RBFOX1: variants seen among roughly 807,000 people sequenced by gnomAD.
The protein encoded by RBFOX1 is RNA binding fox-1 homolog 1, also known as RNA binding protein fox-1 homolog 1.
RBFOX1 carries 8 observed loss-of-function variants against 57.7 expected under a neutral mutation model. That is an observed-to-expected ratio of 0.14 (90% confidence interval 0.08 to 0.25). RBFOX1 has a LOEUF of 0.25. Among genes scored for constraint, RBFOX1 ranks in the 10% least tolerant of loss-of-function variants. The pLI is 1.00. For synonymous variants in RBFOX1, 326 were observed against 222.4 expected, an observed-to-expected ratio of 1.47 and a Z score of -4.15; for missense variants, 611 against 548.5, an observed-to-expected ratio of 1.11 and a Z score of -1.14.
chr16:5,843,184 A>T (rs2151850461), intron 3 of RBFOX1, among the ~76,000 whole-genome samples: 1 of 152,272 alleles, frequency 6.6e-6, no homozygotes, highest in South Asian at 2.1e-4. Flanking sequence ...CAGGTTTATT[A>T]TATAAGTAAA....
chr16:7,231,563 C>G (rs778070685), intron 4 of RBFOX1, among the ~76,000 whole-genome samples: 4 of 152,178 alleles, frequency 2.6e-5, no homozygotes, highest in African/African-American at 4.8e-5. Flanking sequence ...GAATTGTAAA[C>G]AGATTCACTT....
intron 1 of RBFOX1, among the ~76,000 whole-genome samples, chr16:5,288,467 G>T (rs569340895): frequency 6.6e-6 from 1 of 151,942 alleles, no homozygotes; most frequent in Non-Finnish European, 1.5e-5. Flanking sequence ...CTTCTAAAGT[G>T]AATTACACAT....
At chr16:6,363,259 T>G (rs1004081213) in intron 2 of RBFOX1, among the ~76,000 whole-genome samples, 3 of 152,180 alleles carry the variant, frequency 2.0e-5, no homozygotes, top group Non-Finnish European at 4.4e-5. Context: ...GTAAACTTAG[T>G]AAAGCACCTG....
Position 6,097,417 on chromosome 16 carries a change from A to C in RBFOX1, c.-127+77425A>C, listed in dbSNP as rs1040326258. The stretch of plus-strand genomic sequence containing the variant: ...CCATGGTCTGCAGACTACCAGCATT[A>C]GCAAGGCCTGGGAGTTTGTGAGAGA... On this transcript the variant is annotated intron_variant, in intron 1 of 15. Coordinates refer to ENST00000550418, the MANE Select transcript of RBFOX1 (RefSeq NM_018723.4). The surrounding 1 kb of genome is among the most constrained non-coding windows in gnomAD (Gnocchi z 5.0). Among the ~76,000 whole-genome samples, 23 of 152,116 alleles carry C rather than the reference A, an allele frequency of 1.5e-4. No homozygotes were observed. Among genetic ancestry groups the C allele is most frequent in the African/African-American group, 5.6e-4 (23 of 41,434 alleles).
intron 2 of RBFOX1, among the ~76,000 whole-genome samples, chr16:6,618,611 A>G (rs1307432319): frequency 6.6e-6 from 1 of 152,226 alleles, no homozygotes; most frequent in Non-Finnish European, 1.5e-5. Flanking sequence ...ACAGAAAGGT[A>G]AAATCACTTC....
intron 10 of RBFOX1, among the ~76,000 whole-genome samples, chr16:7,610,808 A>G (rs1191252741): frequency 6.6e-6 from 1 of 152,238 alleles, no homozygotes; most frequent in East Asian, 1.9e-4. Flanking sequence ...GCAAAGCGAT[A>G]GATGCAGAGT....
intron 4 of RBFOX1, among the ~76,000 whole-genome samples, chr16:7,159,415 G>C (rs1489039105): frequency 6.6e-6 from 1 of 152,096 alleles, no homozygotes; most frequent in East Asian, 1.9e-4. Flanking sequence ...AAACGGGACA[G>C]GATTAGCATC....
chr16:5,553,932 T>C (rs1355476608), intron 2 of RBFOX1, among the ~76,000 whole-genome samples: 1 of 151,792 alleles, frequency 6.6e-6, no homozygotes, highest in African/African-American at 2.4e-5. Flanking sequence ...ACAACAGACA[T>C]GTCTTATAAT....
intron 4 of RBFOX1, among the ~76,000 whole-genome samples, chr16:7,342,571 G>C (rs1484756787): frequency 6.6e-6 from 1 of 152,140 alleles, no homozygotes; most frequent in African/African-American, 2.4e-5. Context: ...AGATGCTCTA[G>C]GTTGGGAAAG....
At chr16:7,380,428 A>C (rs1472131812) in intron 4 of RBFOX1, among the ~76,000 whole-genome samples, 1 of 152,248 alleles carries the variant, frequency 6.6e-6, no homozygotes, top group South Asian at 2.1e-4. Flanking sequence ...TGACTCTGTT[A>C]CCACTTAAAA....
chr16:5,632,450 A>G (rs1277848214), intron 3 of RBFOX1: 1 of 152,238 alleles, frequency 6.6e-6, no homozygotes, highest in Non-Finnish European at 1.5e-5. Flanking sequence ...TGAAAAGTGC[A>G]TAGCATAGTG....
chr16:5,335,490 G>C (rs1432838901), intron 1 of RBFOX1, among the ~76,000 whole-genome samples: 1 of 152,184 alleles, frequency 6.6e-6, no homozygotes, highest in Non-Finnish European at 1.5e-5. Context: ...GACCAGATTA[G>C]GAGATAAAAC....
chr16:6,557,969 CCTCATTTTTG>C (rs2097128347), intron 2 of RBFOX1, among the ~76,000 whole-genome samples: 1 of 152,140 alleles, frequency 6.6e-6, no homozygotes, highest in South Asian at 2.1e-4. Flanking sequence ...CTTGCCACAA[CCTCATTTTTG>C]CTCATGGGAT....
chr16:6,861,675 C>G (rs2059025872), intron 3 of RBFOX1, among the ~76,000 whole-genome samples: 1 of 151,980 alleles, frequency 6.6e-6, no homozygotes, highest in Non-Finnish European at 1.5e-5. Context: ...CTCTATTTTT[C>G]ACTGTGTATA....
intron 11 of RBFOX1, among the ~76,000 whole-genome samples, chr16:7,633,400 T>A (rs965481025): frequency 2.0e-5 from 3 of 152,242 alleles, no homozygotes; most frequent in Admixed American, 1.3e-4. Context: ...ACCTGCACAT[T>A]ATATGCCATG....
At chr16:6,477,985 C>A (rs986502108) in intron 2 of RBFOX1, among the ~76,000 whole-genome samples, 4 of 152,040 alleles carry the variant, frequency 2.6e-5, no homozygotes, top group Non-Finnish European at 2.9e-5. Context: ...CCTCTCTCTG[C>A]CTCCATAGAA....
intron 4 of RBFOX1, among the ~76,000 whole-genome samples, chr16:7,465,705 G>A (rs1320915621): frequency 1.3e-5 from 2 of 152,130 alleles, no homozygotes; most frequent in Non-Finnish European, 2.9e-5. Flanking sequence ...TGGGTCAATA[G>A]GAGCACTCAT....
intron 1 of RBFOX1, among the ~76,000 whole-genome samples, chr16:5,404,847 T>C (rs974992749): frequency 6.6e-6 from 1 of 152,198 alleles, no homozygotes; most frequent in African/African-American, 2.4e-5. Flanking sequence ...GACAAAGCCA[T>C]GAAACCACCA....
In RBFOX1 at chr16:7,307,012, C is replaced by T. The variant is rs911457717; in HGVS notation, c.28-211135C>T. ...AAGTAAATTGATCAAGTGGACGAAT[C>T]AGGCAACATTTATGATAAGTAACAC... On this transcript the variant is annotated intron_variant, in intron 4 of 15. Coordinates refer to ENST00000550418, the MANE Select transcript of RBFOX1 (RefSeq NM_018723.4). 2.6e-5 allele frequency among the ~76,000 whole-genome samples: 4 copies of T among 152,140 alleles called. No individual in the cohort carries two copies. The South Asian group carries it at 8.3e-4, about 31-fold the overall frequency.
Sources: gnomAD v4.1 joint callset for allele counts (sites outside exome capture counted in the v4.1 genomes callset) on GRCh38, gnomAD v4.1.1 for gene constraint, Gnocchi (gnomAD v3.1) non-coding constraint, MANE v1.5 for transcripts, NCBI Gene and HGNC (gene_info 2026-07-23, HGNC 2026-07-21) for gene names.